The following LRRFIP1 variants were observed in gnomAD, a reference collection of about 807,000 sequenced individuals.
LRRFIP1 encodes leucine-rich repeat flightless-interacting protein 1.
LRRFIP1 carries 62 observed loss-of-function variants against 104.4 expected under a neutral mutation model. The observed-to-expected ratio is 0.59, with a 90% CI of 0.48 to 0.73. The LOEUF (loss-of-function observed/expected upper bound fraction) is 0.73, where lower values mean the gene tolerates loss of function less well. Ranked by LOEUF, LRRFIP1 falls within the 30% of genes least tolerant of loss-of-function variation. The pLI is 0.00. For synonymous variants in LRRFIP1, 300 were observed against 299.0 expected (o/e 1.00, Z -0.03); for missense variants, 796 against 824.5 (o/e 0.97, Z 0.42).
chr2:237,633,644 C>T (rs2082704959), intron 1 of LRRFIP1, among the ~76,000 whole-genome samples: 1 of 152,166 alleles, frequency 6.6e-6, no homozygotes, highest in South Asian at 2.1e-4. Context: ...CCAAGGTGTG[C>T]CAGGTACTCT....
intron 1 of LRRFIP1, among the ~76,000 whole-genome samples, chr2:237,645,117 G>A (rs1011793604): frequency 2.0e-5 from 3 of 152,224 alleles, no homozygotes; most frequent in African/African-American, 7.2e-5. Flanking sequence ...GCAGGAGGAG[G>A]ATCAAAGAAT....
chr2:237,755,946 A>C (rs1481191790), intron 15 of LRRFIP1, 149 bp from the exon 16 acceptor site: 2 of 468,106 alleles, frequency 4.3e-6, no homozygotes, highest in African/African-American at 2.0e-5. Context: ...AAAAATATAT[A>C]AATAAAAAAT....
In LRRFIP1 at chr2:237,674,722, G is replaced by A. The variant is rs138181460; in HGVS notation, c.97-33822G>A. ...GCATTACCTTCCATTATGAATGCGG[G>A]CAAAAACCTTCGGTAGTATTAGAAG... On this transcript the variant is annotated intron_variant, in intron 1 of 23. Coordinates refer to ENST00000308482, the MANE Select transcript of LRRFIP1 (RefSeq NM_001137550.2). 2.8e-4 allele frequency among the ~76,000 whole-genome samples: 43 copies of A among 152,346 alleles called. No homozygotes were observed. The East Asian group carries it at 7.9e-3, about 28-fold the overall frequency.
At chr2:237,727,821 C>T in intron 7 of LRRFIP1, 55 bp from the exon 8 acceptor site, 1 of 1,339,984 alleles carries the variant, frequency 7.5e-7, no homozygotes, top group South Asian at 1.2e-5. Flanking sequence ...TGATTTGTAC[C>T]TGTGAATTCA....
At chr2:237,706,719 C>G (rs1210119044) in intron 1 of LRRFIP1, among the ~76,000 whole-genome samples, 1 of 152,182 alleles carries the variant, frequency 6.6e-6, no homozygotes, top group Non-Finnish European at 1.5e-5. Flanking sequence ...CCTCAACTTC[C>G]CAGGCTCCAG....
At chr2:237,638,219 G>A (rs1162629819) in intron 1 of LRRFIP1, among the ~76,000 whole-genome samples, 1 of 152,182 alleles carries the variant, frequency 6.6e-6, no homozygotes, top group African/African-American at 2.4e-5. Context: ...TCCCATCTGG[G>A]GGTGATGGGA....
intron 1 of LRRFIP1, among the ~76,000 whole-genome samples, chr2:237,648,586 C>T (rs753863019): frequency 5.9e-5 from 9 of 151,574 alleles, no homozygotes; most frequent in African/African-American, 2.2e-4. Flanking sequence ...AAAAAGATAC[C>T]GCAGTTCACG....
chr2:237,671,405 G>A (rs982171988), intron 1 of LRRFIP1, among the ~76,000 whole-genome samples: 1 of 152,218 alleles, frequency 6.6e-6, no homozygotes, highest in Non-Finnish European at 1.5e-5. Flanking sequence ...AGAAACCCAG[G>A]AAGGCACAGA....
chr2:237,720,791 G>T lies in LRRFIP1; in HGVS notation c.314G>T (p.Arg105Leu). Reference protein sequence around the residue: ...RNTSASDEDERMSVGSRGSLR... With the variant: ...RNTSASDEDELMSVGSRGSLR... ...TAATAGGCTTCTGATGAAGACGAGC[G>T]CATGTCAGTGGGTAGTCGTGGAAGC... The change falls in exon 6 of 24, where the codon CGC (arginine) becomes CTC (leucine). Residue 105 changes from arginine (R) to leucine (L), a missense_variant. By Grantham distance (102) the Arg-to-Leu change is moderately radical. Coordinates refer to ENST00000308482, the MANE Select transcript of LRRFIP1 (RefSeq NM_001137550.2). 1.2e-6 allele frequency: 2 copies of T among 1,613,944 alleles called. No homozygotes were observed. The highest frequency in any genetic ancestry group is 1.3e-5 in the African/African-American group (1 of 75,030).
In LRRFIP1 at chr2:237,740,730, C is replaced by T. The variant is rs564117136; in HGVS notation, c.633+1421C>T. ...TATCAGCAAATGCAGGTATCAGCTT[C>T]TTTGGGGGAAGAAAACCCAGGATCT... On this transcript the variant is annotated intron_variant, in intron 11 of 23. Transcript: ENST00000308482. Among the ~76,000 whole-genome samples the T allele has an allele frequency of 9.2e-5, 14 of 152,300 alleles. No individual in the cohort carries two copies. The East Asian group carries it at 9.7e-4, about 11-fold the overall frequency.
At chr2:237,696,215 A>ATTTG (rs57718105) in intron 1 of LRRFIP1, among the ~76,000 whole-genome samples, 44,655 of 151,950 alleles carry the variant, frequency 0.29, 7,365 homozygotes, top group African/African-American at 0.45. Flanking sequence ...TGTTTCATTT[A>ATTTG]TTTGTGTAAT....
At chr2:237,636,468 T>C (rs1575038670) in intron 1 of LRRFIP1, among the ~76,000 whole-genome samples, 1 of 152,050 alleles carries the variant, frequency 6.6e-6, no homozygotes, top group Admixed American at 6.6e-5. Context: ...TTTTTTATTG[T>C]TCTTTATCTC....
intron 19 of LRRFIP1, 192 bp from the exon 20 acceptor site, chr2:237,769,751 A>G: frequency 5.2e-6 from 3 of 573,818 alleles, no homozygotes; most frequent in Non-Finnish European, 9.5e-6. Flanking sequence ...ATGTTCTGGG[A>G]GGTTGACCCA....
intron 19 of LRRFIP1, among the ~76,000 whole-genome samples, chr2:237,767,195 A>G (rs1048438399): frequency 2.0e-5 from 3 of 152,158 alleles, no homozygotes; most frequent in Non-Finnish European, 4.4e-5. Context: ...GAAAGAAAAG[A>G]AAAAGAAAGT....
chr2:237,712,642 C>CA (rs890192091), intron 2 of LRRFIP1, among the ~76,000 whole-genome samples: 107 of 152,020 alleles, frequency 7.0e-4, no homozygotes, highest in African/African-American at 2.4e-3. Flanking sequence ...TGTGCGTGTG[C>CA]ATGTGTGTGT....
rs1217818689 is a variant in LRRFIP1 at position 237,711,503 on chromosome 2, T to C, written c.184-2756T>C. On this transcript the variant is annotated intron_variant, in intron 2 of 23. Transcript: ENST00000308482. This position sits in a 1 kb window ranked among gnomAD's most constrained non-coding sequence, Gnocchi z 4.4. The stretch of plus-strand genomic sequence containing the variant: ...TTGCAGGCAGCACCTTTGGCCAACG[T>C]CACCTTTTGCACGGTCCTCTGTGGA... Among the ~76,000 whole-genome samples, 1 of 152,194 alleles carries C rather than the reference T, an allele frequency of 6.6e-6. No individual in the cohort carries two copies. The highest frequency in any genetic ancestry group is 1.5e-5 in the Non-Finnish European group (1 of 68,036).
chr2:237,749,310 A>G lies in LRRFIP1; in HGVS notation c.781A>G (p.Ile261Val), dbSNP rs749396804. ...CATCTCCATCGACACCGAGGCATCCATCAGGGAAATCAAGGTGAGATGCTC... is the reference window on the plus strand; with the variant it reads ...CATCTCCATCGACACCGAGGCATCCGTCAGGGAAATCAAGGTGAGATGCTC... The part of the protein sequence containing the change: ...TSISIDTEAS[I>V]REIKELNELK... The change falls in exon 13 of 24, where the codon ATC becomes GTC. Residue 261 changes from isoleucine (I) to valine (V), a missense_variant. Coordinates refer to ENST00000308482, the MANE Select transcript of LRRFIP1 (RefSeq NM_001137550.2). The G allele has an allele frequency of 3.7e-6, 6 of 1,613,718 alleles. No homozygotes were observed. Among genetic ancestry groups the G allele is most frequent in the Non-Finnish European group, 5.1e-6 (6 of 1,179,972 alleles).
At chr2:237,739,142 G>A in intron 10 of LRRFIP1, 90 bp from the exon 11 acceptor site, 1 of 1,187,574 alleles carries the variant, frequency 8.4e-7, no homozygotes, top group South Asian at 1.3e-5. Context: ...ACTGCAGCAT[G>A]TTTTCTGTCG....
intron 11 of LRRFIP1, among the ~76,000 whole-genome samples, chr2:237,747,711 G>A (rs1041946803): frequency 3.3e-5 from 5 of 152,186 alleles, no homozygotes; most frequent in Non-Finnish European, 5.9e-5. Flanking sequence ...GAAGTTCTGA[G>A]CTACGGGAAG....
Sources: allele counts gnomAD v4.1 joint callset (sites outside exome capture counted in the v4.1 genomes callset), GRCh38; gene constraint gnomAD v4.1.1; non-coding constraint Gnocchi (gnomAD v3.1); transcripts MANE v1.5; gene names NCBI Gene and HGNC (gene_info 2026-07-23, HGNC 2026-07-21).